Variants in CCDC102A observed in about 807,000 individuals in gnomAD.
CCDC102A encodes the protein coiled-coil domain containing 102A.
CCDC102A carries 40 observed loss-of-function variants against 55.5 expected under a neutral mutation model. The ratio of observed to expected loss-of-function variants is 0.72; its 90% CI spans 0.56 to 0.94. The LOEUF is 0.94. Ranked by LOEUF, CCDC102A falls within the 40% of genes least tolerant of loss-of-function variation. The probability of loss-of-function intolerance (pLI) is 0.00; values close to 1 mark genes in which losing one functional copy is unlikely to be tolerated. For missense variants in CCDC102A, 779 were observed against 768.6 expected (o/e 1.01, Z -0.16); for synonymous variants, 323 against 339.0 (o/e 0.95, Z 0.52).
At position 57,523,128 on chromosome 16, in the gene CCDC102A, G is replaced by A. The variant is rs572527925; in HGVS notation, c.813-1952C>T. Among the ~76,000 whole-genome samples, 23 of 151,790 alleles carry A rather than the reference G, an allele frequency of 1.5e-4. No individual in the cohort carries two copies. In the East Asian group the frequency reaches 3.1e-3, roughly 20 times the overall value. On this transcript the variant is annotated intron_variant, in intron 3 of 8. Coordinates refer to ENST00000258214, the MANE Select transcript of CCDC102A (RefSeq NM_033212.4). Reference sequence around the variant, plus strand: ...GATTGTAGTGAGCTGAGATAGAGCCGCTGTACCCCAGCCTGGGCAACAGAG... The same window carrying A: ...GATTGTAGTGAGCTGAGATAGAGCCACTGTACCCCAGCCTGGGCAACAGAG...
chr16:57,530,098 GA>G (rs2032227509), intron 1 of CCDC102A, among the ~76,000 whole-genome samples: 1 of 152,186 alleles, frequency 6.6e-6, no homozygotes. Context: ...TGGGGATGAT[GA>G]TGGAAACAAA....
At chr16:57,525,852 T>A in intron 3 of CCDC102A, 49 bp downstream of exon 3, 3 of 1,539,172 alleles carry the variant, frequency 1.9e-6, no homozygotes, top group Non-Finnish European at 2.7e-6. Flanking sequence ...GAGGGCGTTG[T>A]AGCACGGCCT....
chr16:57,528,648 T>G lies in CCDC102A; in HGVS notation c.530A>C (p.Glu177Ala), dbSNP rs1351500215. The G allele has an allele frequency of 3.3e-6, 4 of 1,197,514 alleles. No individual in the cohort carries two copies. The highest frequency in any genetic ancestry group is 4.2e-6 in the Non-Finnish European group (4 of 959,972). 74.2% of individuals were successfully genotyped at this position (1,197,514 alleles called of 1,614,324 possible). ...ADQTRDGPEP[E>A]AEREPVRDVG... ...GTCACGCACTGGCTCGCGCTCCGCTTCCGGCTCGGGGCCGTCGCGCGTCTG... is the reference window on the plus strand; with the variant it reads ...GTCACGCACTGGCTCGCGCTCCGCTGCCGGCTCGGGGCCGTCGCGCGTCTG... Residue 177 changes from glutamate (E) to alanine (A), a missense_variant, in exon 2 of 9, where the codon GAA (glutamate) becomes GCA (alanine). Coordinates refer to ENST00000258214, the MANE Select transcript of CCDC102A (RefSeq NM_033212.4).
chr16:57,513,001 CT>C, intron 8 of CCDC102A, 131 bp from the exon 9 acceptor site: 1 of 685,002 alleles, frequency 1.5e-6, no homozygotes, highest in Non-Finnish European at 2.4e-6. Flanking sequence ...CTGTAATCTC[CT>C]TATATGATAG....
At chr16:57,528,441 G>A (rs1353943392) in intron 2 of CCDC102A, 152 bp downstream of exon 2, 2 of 392,840 alleles carry the variant, frequency 5.1e-6, no homozygotes, top group African/African-American at 4.4e-5. Flanking sequence ...GGAAAATGAT[G>A]TGAGGCCCCG....
intron 1 of CCDC102A, among the ~76,000 whole-genome samples, chr16:57,530,678 C>T (rs1472833617): frequency 6.6e-6 from 1 of 152,142 alleles, no homozygotes; most frequent in East Asian, 1.9e-4. Context: ...GGTTCTCCTT[C>T]CTTGAGCCGA....
Position 57,512,479 on chromosome 16 carries a change from T to G in CCDC102A, c.*262A>C. The G allele has an allele frequency of 2.3e-6, 1 of 431,868 alleles. No homozygotes were observed. Among genetic ancestry groups the G allele is most frequent in the Non-Finnish European group, 4.1e-6 (1 of 245,994 alleles). 26.8% of individuals were successfully genotyped at this position (431,868 alleles called of 1,614,324 possible). A position where few individuals can be genotyped will look rare whatever the true frequency, so the allele number is the denominator to read the frequency against. On this transcript the variant is annotated 3_prime_UTR_variant, in exon 9 of 9. Coordinates refer to ENST00000258214, the MANE Select transcript of CCDC102A (RefSeq NM_033212.4). ...CTGGGCCTTGGAGCTGTCCTGTATT[T>G]ATAAAACCAAATGGGTCCAAAGACT...
chr16:57,530,909 G>T (rs1159399987), intron 1 of CCDC102A, among the ~76,000 whole-genome samples: 1 of 151,780 alleles, frequency 6.6e-6, no homozygotes, highest in Non-Finnish European at 1.5e-5. Context: ...CCCTGTGACG[G>T]TGTGCCCTCT....
intron 1 of CCDC102A, among the ~76,000 whole-genome samples, chr16:57,534,442 G>A (rs2032332711): frequency 6.6e-6 from 1 of 152,220 alleles, no homozygotes; most frequent in African/African-American, 2.4e-5. Flanking sequence ...TTGTGGACTT[G>A]TCTGGAATAT....
Position 57,518,713 on chromosome 16 carries a change from T to A in CCDC102A, c.950A>T (p.Asp317Val). ...QLSILKEAHQ[D>V]ELGRMSEDLE... Reference sequence around the variant, plus strand: ...GTCCTCAGACATGCGGCCCAGCTCGTCCTGGTGCGCCTCCTTCAGGATGCT... The same window carrying A: ...GTCCTCAGACATGCGGCCCAGCTCGACCTGGTGCGCCTCCTTCAGGATGCT... Residue 317 changes from aspartate to valine, a missense_variant, in exon 5 of 9, where the codon GAC (aspartate) becomes GTC (valine). Coordinates refer to ENST00000258214, the MANE Select transcript of CCDC102A (RefSeq NM_033212.4). 6.2e-7 allele frequency: 1 copy of A among 1,609,906 alleles called. No individual in the cohort carries two copies.
chr16:57,512,436 T>G lies in CCDC102A; in HGVS notation c.*305A>C. ...GCCCAGCCCTGCATGAAGTCCTGGG[T>G]GGGTGAGGTCATCTGGACTGGGCCT... is the stretch of plus-strand genomic sequence containing the variant. On this transcript the variant is annotated 3_prime_UTR_variant, in exon 9 of 9. Coordinates refer to ENST00000258214, the MANE Select transcript of CCDC102A (RefSeq NM_033212.4). 2.5e-6 allele frequency: 1 copy of G among 403,732 alleles called. No homozygotes were observed. The highest frequency in any genetic ancestry group is 3.6e-5 in the East Asian group (1 of 28,146). 25.0% of individuals were successfully genotyped at this position (403,732 alleles called of 1,614,324 possible). A position where few individuals can be genotyped will look rare whatever the true frequency, so the allele number is the denominator to read the frequency against.
intron 2 of CCDC102A, among the ~76,000 whole-genome samples, chr16:57,526,998 C>T (rs987173584): frequency 5.9e-5 from 9 of 152,234 alleles, no homozygotes; most frequent in African/African-American, 2.2e-4. Context: ...CCACTGCCCA[C>T]AGCCCTCTGG....
rs2031953303 is a variant in CCDC102A at position 57,516,281 on chromosome 16, T to G, written c.1419+12A>C. 6.2e-7 allele frequency: 1 copy of G among 1,602,188 alleles called. No individual in the cohort carries two copies. Among genetic ancestry groups the G allele is most frequent in the African/African-American group, 1.3e-5 (1 of 75,022 alleles). The stretch of plus-strand genomic sequence containing the variant: ...AGGTCTGTTGCTGCCCCTGCCCCTC[T>G]GTGGTCCTCACCTCGTCCTCAGCCT... On this transcript the variant is annotated intron_variant, in intron 7 of 8. Coordinates refer to ENST00000258214, the MANE Select transcript of CCDC102A (RefSeq NM_033212.4). This position sits in a 1 kb window ranked among gnomAD's most constrained non-coding sequence, Gnocchi z 4.4.
At chr16:57,535,393 A>T (rs2032352928) in intron 1 of CCDC102A, among the ~76,000 whole-genome samples, 1 of 152,086 alleles carries the variant, frequency 6.6e-6, no homozygotes, top group Non-Finnish European at 1.5e-5. Context: ...TCCTTTCTTT[A>T]CATATGGACC....
At chr16:57,535,925 G>T (rs1227034563) in intron 1 of CCDC102A, among the ~76,000 whole-genome samples, 1 of 152,128 alleles carries the variant, frequency 6.6e-6, no homozygotes, top group Non-Finnish European at 1.5e-5. Flanking sequence ...TGAAACTGAA[G>T]CCCCAGCCCT....
intron 3 of CCDC102A, among the ~76,000 whole-genome samples, chr16:57,523,154 C>G (rs543292268): frequency 6.6e-6 from 1 of 151,168 alleles, no homozygotes; most frequent in Non-Finnish European, 1.5e-5. Context: ...GGCAACAGAG[C>G]GAGACTCTGT....
chr16:57,521,384 T>G (rs147671740), intron 3 of CCDC102A, among the ~76,000 whole-genome samples: 1 of 152,170 alleles, frequency 6.6e-6, no homozygotes, highest in Non-Finnish European at 1.5e-5. Flanking sequence ...CAAGTGCAAG[T>G]GCCCAGCTCA....
chr16:57,517,393 C>A (rs1315489354), intron 6 of CCDC102A, among the ~76,000 whole-genome samples: 1 of 152,180 alleles, frequency 6.6e-6, no homozygotes, highest in Non-Finnish European at 1.5e-5. Context: ...GTCACCCAGG[C>A]TGGGGTGCAG....
Position 57,512,529 on chromosome 16 carries a change from CGT to C in CCDC102A, c.*210_*211del, listed in dbSNP as rs1555518812. On this transcript the variant is annotated 3_prime_UTR_variant, in exon 9 of 9. Coordinates refer to ENST00000258214, the MANE Select transcript of CCDC102A (RefSeq NM_033212.4). Reference sequence around the variant, plus strand: ...TTCTGGGTGTGCGCGCGCGCGCGCGCGTGTGTGTATATATATATATAAAACAT... The same window carrying C: ...TTCTGGGTGTGCGCGCGCGCGCGCGCGTGTGTATATATATATATAAAACAT... 29 of 475,816 alleles carry C rather than the reference CGT, an allele frequency of 6.1e-5. No individual in the cohort carries two copies. Among genetic ancestry groups the C allele is most frequent in the Admixed American group, 2.3e-4 (6 of 26,408 alleles). 29.5% of individuals were successfully genotyped at this position (475,816 alleles called of 1,614,324 possible).
Sources: gnomAD v4.1 joint callset for allele counts (sites outside exome capture counted in the v4.1 genomes callset) on GRCh38, gnomAD v4.1.1 for gene constraint, Gnocchi (gnomAD v3.1) non-coding constraint, MANE v1.5 for transcripts, NCBI Gene and HGNC (gene_info 2026-07-23, HGNC 2026-07-21) for gene names.